Variants in FNBP4 observed in about 807,000 individuals in gnomAD.
FNBP4 encodes the protein formin-binding protein 4.
A neutral mutation model predicts 119.3 loss-of-function variants in FNBP4; 34 were observed. The observed-to-expected ratio is 0.28, with a 90% confidence interval of 0.22 to 0.38. The LOEUF (loss-of-function observed/expected upper bound fraction) is 0.38. FNBP4 is among the 10% of genes least tolerant of loss of function. The pLI is 1.00. For synonymous variants in FNBP4, 462 were observed against 430.6 expected (o/e 1.07, Z -0.90); for missense variants, 1,112 against 1,228.9 (o/e 0.90, Z 1.42).
intron 1 of FNBP4, among the ~76,000 whole-genome samples, chr11:47,766,325 A>G (rs890637098): frequency 6.6e-6 from 1 of 152,300 alleles, no homozygotes; most frequent in East Asian, 1.9e-4. Context: ...GAAAAAAACA[A>G]AACAAAACTC....
intron 12 of FNBP4, chr11:47,730,023 G>T: frequency 1.0e-6 from 1 of 985,408 alleles, no homozygotes; most frequent in Non-Finnish European, 1.2e-6. Flanking sequence ...AACTATGTGT[G>T]TCATAAAGGG....
chr11:47,767,236 G>A lies in FNBP4; in HGVS notation c.53C>T (p.Ser18Phe). The A allele has an allele frequency of 1.3e-6, 2 of 1,570,110 alleles. No individual in the cohort carries two copies. The highest frequency in any genetic ancestry group is 2.4e-5 in the East Asian group (1 of 42,532). Reference protein sequence around the residue: ...VPGRRPILQLSPPGPRGSTPG... With the variant: ...VPGRRPILQLFPPGPRGSTPG... ...CGTGCTGCCCCGAGGACCCGGCGGA[G>A]AGAGTTGCAGGATGGGCCTACGGCC... The change falls in exon 1 of 17, where the codon TCT becomes TTT. Residue 18 changes from serine to phenylalanine, a missense_variant. Physicochemically the swap from Ser to Phe is radical, Grantham distance 155. Coordinates refer to ENST00000263773, the MANE Select transcript of FNBP4 (RefSeq NM_015308.5).
In FNBP4 at chr11:47,724,031, T is replaced by C. The variant is rs2097558455; in HGVS notation, c.2461A>G (p.Thr821Ala). The C allele has an allele frequency of 3.7e-6, 6 of 1,613,760 alleles. No individual in the cohort carries two copies. The Admixed American group carries it at 8.3e-5, about 22-fold the overall frequency. The change falls in exon 14 of 17, where the codon ACA becomes GCA. Residue 821 changes from threonine (T) to alanine (A), a missense_variant. By Grantham distance (58) the Thr-to-Ala change is moderately conservative. This residue lies in a region of FNBP4 where 826 missense variants were observed against 988.8 expected (regional missense o/e 0.84). Transcript: ENST00000263773. ...ACCACGCTCTATGCACAATTACCTG[T>C]AGCTATAGCTGACTGGCTATAGAGA... The part of the protein sequence containing the change: ...PVLYSQSAIA[T>A]GHQAAGIGNQ...
At position 47,732,607 on chromosome 11, in the gene FNBP4, C is replaced by G; in HGVS notation, c.1750G>C (p.Asp584His). Reference sequence around the variant, plus strand: ...TACTGTTTTAGTTGTTCTGCTGCATCCTGAAGTTTTCGTTTAAGGTAGTTT... The same window carrying G: ...TACTGTTTTAGTTGTTCTGCTGCATGCTGAAGTTTTCGTTTAAGGTAGTTT... ...NGNYLKRKLQ[D>H]AAEQLKQYEI... Residue 584 changes from aspartate to histidine, a missense_variant, in exon 11 of 17, where the codon GAT (aspartate) becomes CAT (histidine). By Grantham distance (81) the Asp-to-His change is moderately conservative (BLOSUM62 -1). This residue lies in a region of FNBP4 where 826 missense variants were observed against 988.8 expected (regional missense o/e 0.84). Transcript: ENST00000263773. The surrounding 1 kb of genome is among the most constrained non-coding windows in gnomAD (Gnocchi z 4.2). 1 of 1,614,170 alleles carries G rather than the reference C, an allele frequency of 6.2e-7. No homozygotes were observed. The highest frequency in any genetic ancestry group is 8.5e-7 in the Non-Finnish European group (1 of 1,180,036).
In FNBP4 at chr11:47,731,271, A is replaced by C. The variant is rs2097567071; in HGVS notation, c.2008+103T>G. ...AGTTCACACCACTATTCTCAATCAGAAGCTTATATTATTATGACATAAAAT... is the reference window on the plus strand; with the variant it reads ...AGTTCACACCACTATTCTCAATCAGCAGCTTATATTATTATGACATAAAAT... On this transcript the variant is annotated intron_variant, in intron 12 of 16. Coordinates refer to ENST00000263773, the MANE Select transcript of FNBP4 (RefSeq NM_015308.5). The C allele has an allele frequency of 3.0e-5, 34 of 1,148,086 alleles. No individual in the cohort carries two copies. The South Asian group carries it at 5.6e-4, about 19-fold the overall frequency. The allele number at this position is 1,148,086 out of a possible 1,614,324, so 71.1% of individuals were successfully genotyped here.
At chr11:47,752,686 C>A in intron 4 of FNBP4, 1 of 413,654 alleles carries the variant, frequency 2.4e-6, no homozygotes, top group Non-Finnish European at 4.4e-6. Flanking sequence ...TGGCAGTGTG[C>A]GCCTGTAGTC....
chr11:47,765,204 C>G, intron 2 of FNBP4, 66 bp downstream of exon 2: 1 of 1,050,244 alleles, frequency 9.5e-7, no homozygotes, highest in Non-Finnish European at 1.5e-6. Context: ...ATTCTATGTA[C>G]AAACCCAACT....
At position 47,744,072 on chromosome 11, in the gene FNBP4, A is replaced by G; in HGVS notation, c.1337T>C (p.Met446Thr). The change falls in exon 8 of 17, where the codon ATG becomes ACG. Residue 446 changes from methionine (M) to threonine (T), a missense_variant. Around this residue, in one of 2 missense-constraint regions of FNBP4, gnomAD observed 826 missense variants for 988.8 expected, o/e 0.84. Transcript: ENST00000263773. Reference sequence around the variant, plus strand: ...TCCTCTTTTAGACATAAGCCTACGCATTCCATCTTGAGATGCTGGCTGGCT... The same window carrying G: ...TCCTCTTTTAGACATAAGCCTACGCGTTCCATCTTGAGATGCTGGCTGGCT... Reference protein sequence around the residue: ...DISQPASQDGMRRLMSKRGKW... With the variant: ...DISQPASQDGTRRLMSKRGKW... The G allele has an allele frequency of 1.2e-6, 2 of 1,614,114 alleles. No homozygotes were observed. Among genetic ancestry groups the G allele is most frequent in the South Asian group, 1.1e-5 (1 of 91,082 alleles).
At chr11:47,746,697 G>A (rs2097591052) in intron 6 of FNBP4, among the ~76,000 whole-genome samples, 1 of 151,952 alleles carries the variant, frequency 6.6e-6, no homozygotes, top group African/African-American at 2.4e-5. Flanking sequence ...TGTATTTTTA[G>A]TAGAGGCCTT....
Position 47,753,107 on chromosome 11 carries a change from A to G in FNBP4, c.451-5T>C, listed in dbSNP as rs750663444. 5.0e-6 allele frequency: 8 copies of G among 1,588,646 alleles called. No homozygotes were observed. The highest frequency in any genetic ancestry group is 1.7e-4 in the Middle Eastern group (1 of 5,902). On this transcript the variant is annotated splice_polypyrimidine_tract_variant and splice_region_variant and intron_variant, in intron 3 of 16. Transcript: ENST00000263773. ...AGCTGTTATGGCATCGATCTCCTTC[A>G]GTATGAAAAGAGTAACAAATGCAGT...
intron 1 of FNBP4, 137 bp downstream of exon 1, chr11:47,766,932 C>T (rs2097648860): frequency 1.5e-6 from 2 of 1,361,022 alleles, no homozygotes; most frequent in African/African-American, 3.1e-5. Flanking sequence ...CCCAGGGCCG[C>T]CCCGCCTGCA....
intron 15 of FNBP4, 59 bp from the exon 16 acceptor site, chr11:47,720,145 T>C: frequency 4.7e-6 from 7 of 1,498,336 alleles, no homozygotes; most frequent in Non-Finnish European, 5.4e-6. Flanking sequence ...ATAAGCGTCC[T>C]CTACAATGGA....
chr11:47,748,140 G>A (rs1485980161), intron 6 of FNBP4, among the ~76,000 whole-genome samples: 2 of 152,060 alleles, frequency 1.3e-5, no homozygotes, highest in African/African-American at 4.8e-5. Context: ...TCGGGAGGCT[G>A]AGGCAGGAGA....
At position 47,732,714 on chromosome 11, in the gene FNBP4, T is replaced by A. The variant is rs1471479316; in HGVS notation, c.1687-44A>T. ...TAAGTTAAAGACTTATTATTACATG[T>A]CAGGAGACACAGGCAAAGGGGATAT... On this transcript the variant is annotated intron_variant, in intron 10 of 16. Transcript: ENST00000263773. The surrounding 1 kb of genome is among the most constrained non-coding windows in gnomAD (Gnocchi z 4.2). The A allele has an allele frequency of 6.3e-7, 1 of 1,590,088 alleles. No individual in the cohort carries two copies. The highest frequency in any genetic ancestry group is 1.1e-5 in the South Asian group (1 of 90,446).
At chr11:47,733,257 T>C (rs1281430461) in intron 10 of FNBP4, among the ~76,000 whole-genome samples, 1 of 152,222 alleles carries the variant, frequency 6.6e-6, no homozygotes, top group Non-Finnish European at 1.5e-5. Context: ...TTAAGATTGG[T>C]TTCCCCAGTA....
intron 8 of FNBP4, among the ~76,000 whole-genome samples, chr11:47,739,718 A>C (rs940834390): frequency 2.0e-5 from 3 of 152,192 alleles, no homozygotes; most frequent in Non-Finnish European, 2.9e-5. Context: ...TGAGCCCATG[A>C]ATTCAAAGCT....
intron 12 of FNBP4, chr11:47,724,990 A>G (rs894831143): frequency 2.2e-6 from 1 of 451,030 alleles, no homozygotes; most frequent in Non-Finnish European, 3.8e-6. Context: ...TGATATCGCT[A>G]AAATATTGAA....
At chr11:47,731,254 C>T in intron 12 of FNBP4, 120 bp downstream of exon 12, 3 of 976,034 alleles carry the variant, frequency 3.1e-6, no homozygotes, top group Non-Finnish European at 2.9e-6. Flanking sequence ...TTAGTTCACA[C>T]CACTATTCTC....
chr11:47,724,618 TG>T lies in FNBP4; in HGVS notation c.2168del (p.Pro723HisfsTer18). The T allele has an allele frequency of 6.2e-7, 1 of 1,612,536 alleles. No individual in the cohort carries two copies. The highest frequency in any genetic ancestry group is 8.5e-7 in the Non-Finnish European group (1 of 1,179,666). ...CAGGAGGAGGTGGTGGAGGAGGGGGTGGAGGTGATTCTGGAGGTGGAGGTGG... is the reference window on the plus strand; with the variant it reads ...CAGGAGGAGGTGGTGGAGGAGGGGGTGAGGTGATTCTGGAGGTGGAGGTGG... The part of the protein sequence containing the change: ...PPPPPPPESP[P>X]PPPPPPPPAE... On this transcript the variant is annotated frameshift_variant, in exon 13 of 17. Coordinates refer to ENST00000263773, the MANE Select transcript of FNBP4 (RefSeq NM_015308.5). LOFTEE classifies it high-confidence loss of function.
Sources: allele counts gnomAD v4.1 joint callset (sites outside exome capture counted in the v4.1 genomes callset), GRCh38; gene constraint gnomAD v4.1.1; regional missense constraint gnomAD v4.1.1; non-coding constraint Gnocchi (gnomAD v3.1); transcripts MANE v1.5; gene names NCBI Gene and HGNC (gene_info 2026-07-23, HGNC 2026-07-21).